The following SMAP2 variants were observed in gnomAD, a reference collection of about 807,000 sequenced individuals.
The protein encoded by SMAP2 is stromal membrane-associated protein 2.
In SMAP2, 25 loss-of-function variants were observed where a neutral mutation model predicts 56.4. That is an observed-to-expected ratio of 0.44 (90% CI 0.32 to 0.62). The LOEUF is 0.62. SMAP2 is among the 20% of genes least tolerant of loss of function. The pLI is 0.04. For missense variants in SMAP2, 388 were observed against 545.6 expected (o/e 0.71, Z 2.88); for synonymous variants, 157 against 181.7 (o/e 0.86, Z 1.09).
At chr1:40,347,064 G>C (rs1166210277) in intron 1 of SMAP2, among the ~76,000 whole-genome samples, 2 of 137,922 alleles carry the variant, frequency 1.5e-5, no homozygotes, top group Non-Finnish European at 3.0e-5. Flanking sequence ...TTATTTTTGA[G>C]ACACGGTCTC....
At position 40,374,135 on chromosome 1, in the gene SMAP2, G is replaced by C; in HGVS notation, c.15G>C (p.Ser5=). MTGK[S]VKDVDRYQAV... ...GCACCCTGGCCATGACAGGCAAGTC[G>C]GTGAAGGACGTGGATCGGTACCAGG... Residue 5 remains serine (S), a synonymous_variant, in exon 1 of 10, where the codon TCG becomes TCC. Transcript: ENST00000372718. This position sits in a 1 kb window ranked among gnomAD's most constrained non-coding sequence, Gnocchi z 5.9. 5 of 1,613,108 alleles carry C rather than the reference G, an allele frequency of 3.1e-6. No individual in the cohort carries two copies. Among genetic ancestry groups the C allele is most frequent in the African/African-American group, 1.3e-5 (1 of 75,046 alleles).
At chr1:40,416,111 G>A in intron 7 of SMAP2, 65 bp from the exon 8 acceptor site, 5 of 1,483,468 alleles carry the variant, frequency 3.4e-6, no homozygotes, top group Non-Finnish European at 4.6e-6. Context: ...GAGAGGGAAG[G>A]GAGACCCTTA....
At chr1:40,384,955 C>T (rs1644639101) in intron 1 of SMAP2, among the ~76,000 whole-genome samples, 1 of 152,184 alleles carries the variant, frequency 6.6e-6, no homozygotes. Flanking sequence ...CCCACACTTT[C>T]TCCTTCCCTA....
At chr1:40,375,832 C>CA in intron 1 of SMAP2, 1 of 816,008 alleles carries the variant, frequency 1.2e-6, no homozygotes, top group Non-Finnish European at 1.5e-6. Context: ...TAGAACCCCC[C>CA]CCCCCATTTC....
intron 1 of SMAP2, among the ~76,000 whole-genome samples, chr1:40,397,694 G>A (rs1644785909): frequency 6.6e-6 from 1 of 152,072 alleles, no homozygotes; most frequent in Non-Finnish European, 1.5e-5. Flanking sequence ...GCCTTCCAGA[G>A]CTCATAGTCT....
At chr1:40,359,824 C>T (rs1468963750) in intron 1 of SMAP2, among the ~76,000 whole-genome samples, 3 of 151,954 alleles carry the variant, frequency 2.0e-5, no homozygotes. Flanking sequence ...AACACTTTAT[C>T]CCCCTCCTTT....
chr1:40,413,097 A>G lies in SMAP2; in HGVS notation c.484A>G (p.Lys162Glu). The change falls in exon 5 of 10, where the codon AAA (lysine) becomes GAA (glutamate). Residue 162 changes from lysine to glutamate, a missense_variant. Physicochemically the swap from Lys to Glu is moderately conservative, Grantham distance 56. Coordinates refer to ENST00000372718, the MANE Select transcript of SMAP2 (RefSeq NM_022733.3). ...GGAACCTGTTGTTTTTGAGAAGGTGAAAATGGTAAGTTGGGAAGTATTTGC... is the reference window on the plus strand; with the variant it reads ...GGAACCTGTTGTTTTTGAGAAGGTGGAAATGGTAAGTTGGGAAGTATTTGC... Reference protein sequence around the residue: ...KLEPVVFEKVKMPQKKEDPQL... With the variant: ...KLEPVVFEKVEMPQKKEDPQL... The G allele has an allele frequency of 1.2e-6, 2 of 1,613,234 alleles. No homozygotes were observed. The highest frequency in any genetic ancestry group is 1.7e-6 in the Non-Finnish European group (2 of 1,179,222).
rs142908035 is a variant in SMAP2 at position 40,412,480 on chromosome 1, C to T, written c.403-536C>T. Among the ~76,000 whole-genome samples the T allele has an allele frequency of 2.0e-5, 3 of 152,212 alleles. No individual in the cohort carries two copies. The East Asian group carries it at 5.8e-4, about 29-fold the overall frequency. On this transcript the variant is annotated intron_variant, in intron 4 of 9. Transcript: ENST00000372718. Reference sequence around the variant, plus strand: ...AAGGTTACTTTGTGGTTTTGTTTTACATTTAGATGTTTATTTGATTTTAAA... The same window carrying T: ...AAGGTTACTTTGTGGTTTTGTTTTATATTTAGATGTTTATTTGATTTTAAA...
chr1:40,414,185 A>G lies in SMAP2; in HGVS notation c.516A>G (p.Leu172=), dbSNP rs1557463745. 6.8e-6 allele frequency: 11 copies of G among 1,614,140 alleles called. No individual in the cohort carries two copies. The African/African-American group carries it at 1.2e-4, about 18-fold the overall frequency. The stretch of plus-strand genomic sequence containing the variant: ...CACAGAAAAAAGAAGACCCACAGCT[A>G]CCTCGGAAAAGCTCCCCGAAATCCA... ...KMPQKKEDPQ[L]PRKSSPKSTA... is the part of the protein sequence containing the mutation. Residue 172 remains leucine, a synonymous_variant, in exon 6 of 10, where the codon CTA becomes CTG. Transcript: ENST00000372718.
In SMAP2 at chr1:40,374,028, C is replaced by T. The variant is rs945040009; in HGVS notation, c.-93C>T. ...TCCCCGCTCAGGAGGTGCCCCTGGGCGGGGGACCGGGAGTCCTCAACCCCG... is the reference window on the plus strand; with the variant it reads ...TCCCCGCTCAGGAGGTGCCCCTGGGTGGGGGACCGGGAGTCCTCAACCCCG... On this transcript the variant is annotated 5_prime_UTR_variant, in exon 1 of 10. Coordinates refer to ENST00000372718, the MANE Select transcript of SMAP2 (RefSeq NM_022733.3). The surrounding 1 kb of genome is among the most constrained non-coding windows in gnomAD (Gnocchi z 5.9). The T allele has an allele frequency of 2.0e-5, 19 of 941,624 alleles. No homozygotes were observed. The Admixed American group carries it at 2.4e-4, about 12-fold the overall frequency. The allele number at this position is 941,624 out of a possible 1,614,324, so 58.3% of individuals were successfully genotyped here.
intron 1 of SMAP2, among the ~76,000 whole-genome samples, chr1:40,345,433 A>G (rs1002713431): frequency 2.6e-5 from 4 of 151,790 alleles, no homozygotes; most frequent in African/African-American, 9.7e-5. Flanking sequence ...CATCTCTTAA[A>G]AACGCTCTAT....
At chr1:40,401,200 T>A (rs1644830787) in intron 1 of SMAP2, among the ~76,000 whole-genome samples, 1 of 152,154 alleles carries the variant, frequency 6.6e-6, no homozygotes, top group East Asian at 1.9e-4. Flanking sequence ...GAGGCGGAAC[T>A]TGCAGTGAGC....
At position 40,413,007 on chromosome 1, in the gene SMAP2, T is replaced by C; in HGVS notation, c.403-9T>C. 1 of 1,601,494 alleles carries C rather than the reference T, an allele frequency of 6.2e-7. No individual in the cohort carries two copies. Among genetic ancestry groups the C allele is most frequent in the South Asian group, 1.1e-5 (1 of 89,808 alleles). ...GCCCTGTGTTCTTTGTCTTGTTAAATCATTATAGAAAGAAAAAGATGACAA... is the reference window on the plus strand; with the variant it reads ...GCCCTGTGTTCTTTGTCTTGTTAAACCATTATAGAAAGAAAAAGATGACAA... On this transcript the variant is annotated splice_polypyrimidine_tract_variant and intron_variant, in intron 4 of 9. Transcript: ENST00000372718.
chr1:40,389,653 C>T (rs1419828111), intron 1 of SMAP2, among the ~76,000 whole-genome samples: 1 of 152,198 alleles, frequency 6.6e-6, no homozygotes, highest in Non-Finnish European at 1.5e-5. Flanking sequence ...AGCGAATCCT[C>T]TGCCCTCTCA....
At chr1:40,349,897 A>G (rs1383593513) in intron 1 of SMAP2, among the ~76,000 whole-genome samples, 1 of 152,198 alleles carries the variant, frequency 6.6e-6, no homozygotes, top group Non-Finnish European at 1.5e-5. Flanking sequence ...CTTGTCCAAC[A>G]TGTTATCTCC....
At chr1:40,415,581 G>A (rs1383559423) in intron 7 of SMAP2, among the ~76,000 whole-genome samples, 200 bp downstream of exon 7, 2 of 152,042 alleles carry the variant, frequency 1.3e-5, no homozygotes, top group Admixed American at 1.3e-4. Context: ...GCTCAAAAAG[G>A]GTGGGCCATT....
rs1023428161 is a variant in SMAP2 at position 40,411,548 on chromosome 1, C to T, written c.403-1468C>T. ...AAGCAAGCCCGGTTACCGGATGTTT[C>T]TCTTAGGAAGGAAATAACCTCCCAT... On this transcript the variant is annotated intron_variant, in intron 4 of 9. Transcript: ENST00000372718. Among the ~76,000 whole-genome samples, 14 of 152,288 alleles carry T rather than the reference C, an allele frequency of 9.2e-5. 1 individual carries two copies. Among genetic ancestry groups the T allele is most frequent in the East Asian group, 5.8e-4 (3 of 5,186 alleles).
chr1:40,373,546 C>T (rs1306321079), upstream of SMAP2, among the ~76,000 whole-genome samples: 2 of 152,222 alleles, frequency 1.3e-5, no homozygotes, highest in Non-Finnish European at 2.9e-5. Context: ...CAAGGACACG[C>T]AGGGGGCGTG....
At chr1:40,413,730 G>A (rs887943589) in intron 5 of SMAP2, among the ~76,000 whole-genome samples, 3 of 152,296 alleles carry the variant, frequency 2.0e-5, no homozygotes, top group Admixed American at 1.3e-4. Context: ...GAGTGAATTA[G>A]GTAATCTTTA....
Sources: gnomAD v4.1 joint callset for allele counts (sites outside exome capture counted in the v4.1 genomes callset) on GRCh38, gnomAD v4.1.1 for gene constraint, Gnocchi (gnomAD v3.1) non-coding constraint, MANE v1.5 for transcripts, NCBI Gene and HGNC (gene_info 2026-07-23, HGNC 2026-07-21) for gene names.